The following SOX5 variants were observed in gnomAD, a reference collection of about 807,000 sequenced individuals.
SOX5 encodes transcription factor SOX-5.
Under a neutral mutation model 92.0 loss-of-function variants are expected in SOX5, and 9 were observed. The ratio of observed to expected loss-of-function variants is 0.10; its 90% confidence interval spans 0.06 to 0.17. SOX5 has a LOEUF of 0.17. Among genes scored for constraint, SOX5 ranks in the 10% least tolerant of loss-of-function variants. The probability of loss-of-function intolerance (pLI) is 1.00; values close to 1 mark genes in which losing one functional copy is unlikely to be tolerated. For synonymous variants in SOX5, 344 were observed against 336.3 expected (o/e 1.02, Z -0.25); for missense variants, 642 against 944.5 (o/e 0.68, Z 4.20).
chr12:23,628,816 T>C (rs1219657095), intron 8 of SOX5, among the ~76,000 whole-genome samples: 1 of 151,902 alleles, frequency 6.6e-6, no homozygotes, highest in African/African-American at 2.4e-5. Flanking sequence ...TTTTTTATTT[T>C]TATTTTTTCT....
At position 23,993,891 on chromosome 12, in the gene SOX5, GTA is replaced by G. The variant is rs1359282806; in HGVS notation, c.-1-97869_-1-97868del. Among the ~76,000 whole-genome samples the G allele has an allele frequency of 3.9e-5, 6 of 151,912 alleles. No homozygotes were observed. The South Asian group carries it at 1.3e-3, about 32-fold the overall frequency. On this transcript the variant is annotated intron_variant, in intron 4 of 4. Transcript: ENST00000446891. ...TGTATGTATGTATGTATGTATGTATGTATGTATGTATGTATGTATGTATGCAT... is the reference window on the plus strand; with the variant it reads ...TGTATGTATGTATGTATGTATGTATGTGTATGTATGTATGTATGTATGCAT...
chr12:24,047,397 T>C (rs1299241045), intron 4 of SOX5, among the ~76,000 whole-genome samples: 1 of 152,230 alleles, frequency 6.6e-6, no homozygotes, highest in Admixed American at 6.5e-5. Flanking sequence ...CACAGAAAAT[T>C]ATTTCATATG....
intron 1 of SOX5, among the ~76,000 whole-genome samples, chr12:24,384,235 C>T (rs1958133927): frequency 6.6e-6 from 1 of 152,170 alleles, no homozygotes; most frequent in Admixed American, 6.5e-5. Context: ...ACCTAGATCC[C>T]TCGCATGCAC....
intron 4 of SOX5, among the ~76,000 whole-genome samples, chr12:24,103,554 C>T (rs1285509228): frequency 6.6e-6 from 1 of 152,140 alleles, no homozygotes; most frequent in Non-Finnish European, 1.5e-5. Flanking sequence ...AGGGGTCTTG[C>T]TATGTTGCCC....
At chr12:23,957,844 C>T (rs1357445973) in intron 4 of SOX5, among the ~76,000 whole-genome samples, 2 of 152,154 alleles carry the variant, frequency 1.3e-5, no homozygotes, top group South Asian at 2.1e-4. Context: ...TATTTTAAAT[C>T]ATCTATATAT....
At chr12:23,747,904 G>T (rs1400209852) in intron 4 of SOX5, among the ~76,000 whole-genome samples, 1 of 144,338 alleles carries the variant, frequency 6.9e-6, no homozygotes, top group Non-Finnish European at 1.5e-5. Flanking sequence ...GATACTAAGA[G>T]AACAAGCCAG....
intron 4 of SOX5, among the ~76,000 whole-genome samples, chr12:24,106,889 C>A (rs1050631733): frequency 7.3e-5 from 11 of 150,488 alleles, no homozygotes; most frequent in Non-Finnish European, 1.5e-4. Flanking sequence ...ATGAGAAATA[C>A]CCTAAAAGAG....
chr12:23,682,919 G>A (rs1333932776), intron 6 of SOX5, among the ~76,000 whole-genome samples: 3 of 151,740 alleles, frequency 2.0e-5, no homozygotes, highest in East Asian at 1.9e-4. Context: ...CATCTCTAAC[G>A]TTTTCAGTTC....
intron 3 of SOX5, among the ~76,000 whole-genome samples, chr12:23,832,257 G>A (rs562141057): frequency 4.0e-5 from 6 of 151,754 alleles, no homozygotes; most frequent in Non-Finnish European, 5.9e-5. Context: ...TTGGAAAGTT[G>A]TTGTTCATTT....
intron 4 of SOX5, among the ~76,000 whole-genome samples, chr12:24,044,824 T>A (rs565167048): frequency 6.6e-6 from 1 of 152,330 alleles, no homozygotes; most frequent in East Asian, 1.9e-4. Context: ...GAATACATAT[T>A]TGTTAAAGCA....
intron 1 of SOX5, among the ~76,000 whole-genome samples, chr12:24,376,666 A>T: frequency 7.3e-6 from 1 of 137,204 alleles, no homozygotes; most frequent in Admixed American, 7.7e-5. Flanking sequence ...CTTAATTTTC[A>T]GAATGATGCT....
At chr12:23,903,652 T>C (rs1035926620) in intron 1 of SOX5, among the ~76,000 whole-genome samples, 2 of 152,314 alleles carry the variant, frequency 1.3e-5, no homozygotes, top group African/African-American at 2.4e-5. Flanking sequence ...AATATGAATA[T>C]GCAAAGCAAA....
At chr12:23,967,768 G>T (rs950819083) in intron 4 of SOX5, among the ~76,000 whole-genome samples, 1 of 152,102 alleles carries the variant, frequency 6.6e-6, no homozygotes, top group African/African-American at 2.4e-5. Flanking sequence ...TATTATTCAG[G>T]ATAAACAGTC....
chr12:23,979,441 G>A (rs187542950), intron 4 of SOX5, among the ~76,000 whole-genome samples: 1 of 151,962 alleles, frequency 6.6e-6, no homozygotes, highest in East Asian at 1.9e-4. Flanking sequence ...TCAGGCTGGT[G>A]TTGAACTCCT....
At chr12:24,323,000 A>C (rs947162202) in intron 2 of SOX5, among the ~76,000 whole-genome samples, 2 of 151,990 alleles carry the variant, frequency 1.3e-5, no homozygotes, top group Non-Finnish European at 2.9e-5. Flanking sequence ...TTGTTTTTTT[A>C]AAACAATTTC....
At chr12:24,118,561 A>C (rs996084249) in intron 4 of SOX5, among the ~76,000 whole-genome samples, 5 of 152,082 alleles carry the variant, frequency 3.3e-5, no homozygotes, top group Admixed American at 6.5e-5. Flanking sequence ...AGATTACTTG[A>C]CATGATCATA....
At position 24,401,708 on chromosome 12, in the gene SOX5, TAAAAAAAAAAA is replaced by T. The variant is rs71063321; in HGVS notation, c.-250-33080_-250-33070del. 5.6e-4 allele frequency among the ~76,000 whole-genome samples: 56 copies of T among 99,454 alleles called. 1 individual carries two copies. Among genetic ancestry groups the T allele is most frequent in the Admixed American group, 5.0e-3 (42 of 8,438 alleles). The allele number at this position is 99,454 out of a possible 152,430, so 65.2% of individuals were successfully genotyped here. A position where few individuals can be genotyped will look rare whatever the true frequency, so the allele number is the denominator to read the frequency against. Reference sequence around the variant, plus strand: ...GGATGACAGAGCCAGACCCTATCTTTAAAAAAAAAAAAAAAAAAAAAAAAAAAAATTGCAAA... The same window carrying T: ...GGATGACAGAGCCAGACCCTATCTTTAAAAAAAAAAAAAAAAAATTGCAAA... On this transcript the variant is annotated intron_variant, in intron 1 of 4. Transcript: ENST00000446891.
intron 2 of SOX5, among the ~76,000 whole-genome samples, chr12:23,891,163 A>AT (rs752717836): frequency 6.1e-4 from 93 of 152,328 alleles, no homozygotes; most frequent in Non-Finnish European, 8.1e-4. Context: ...ACTGAGTGAA[A>AT]TATTCCAGGA....
intron 4 of SOX5, among the ~76,000 whole-genome samples, chr12:24,079,340 C>A (rs1379648852): frequency 6.6e-6 from 1 of 151,936 alleles, no homozygotes; most frequent in Non-Finnish European, 1.5e-5. Context: ...AACCATCTAA[C>A]TGTTAACCCA....
Sources: allele counts gnomAD v4.1 joint callset (sites outside exome capture counted in the v4.1 genomes callset), GRCh38; gene constraint gnomAD v4.1.1; transcripts MANE v1.5; gene names NCBI Gene and HGNC (gene_info 2026-07-23, HGNC 2026-07-21).